The following CHRM2 variants were observed in gnomAD, a reference collection of about 807,000 sequenced individuals.
CHRM2 encodes cholinergic receptor muscarinic 2.
Under a neutral mutation model 25.0 loss-of-function variants are expected in CHRM2, and 8 were observed. The observed-to-expected ratio is 0.32, with a 90% CI of 0.19 to 0.58. CHRM2 has a LOEUF of 0.58. Among genes scored for constraint, CHRM2 ranks in the 20% least tolerant of loss-of-function variants. CHRM2 has a pLI of 0.88. For synonymous variants in CHRM2, 202 were observed against 205.7 expected, an observed-to-expected ratio of 0.98 and a Z score of 0.15; for missense variants, 440 against 567.1, an observed-to-expected ratio of 0.78 and a Z score of 2.28.
intron 2 of CHRM2, chr7:136,902,362 T>C (rs1340772965): frequency 1.3e-5 from 2 of 152,020 alleles, no homozygotes; most frequent in African/African-American, 4.8e-5. Flanking sequence ...AGAGTTTGAA[T>C]TTAGGTGGCA....
intron 2 of CHRM2, among the ~76,000 whole-genome samples, chr7:136,923,145 T>C (rs1798543549): frequency 1.3e-5 from 2 of 152,142 alleles, no homozygotes; most frequent in South Asian, 4.1e-4. Flanking sequence ...TTATGGAAGA[T>C]ATTTTCTTTA....
intron 2 of CHRM2, among the ~76,000 whole-genome samples, chr7:136,875,734 G>C (rs1228493687): frequency 1.3e-5 from 2 of 152,132 alleles, no homozygotes; most frequent in Non-Finnish European, 2.9e-5. Flanking sequence ...AGCTTCCATA[G>C]CTCATAGAGC....
At chr7:136,970,441 T>A (rs1801686886) in intron 2 of CHRM2, among the ~76,000 whole-genome samples, 1 of 152,228 alleles carries the variant, frequency 6.6e-6, no homozygotes, top group Admixed American at 6.5e-5. Flanking sequence ...ATTTCTTCTA[T>A]TATTCTTTGA....
At chr7:137,007,981 A>G (rs1024188010) in intron 3 of CHRM2, among the ~76,000 whole-genome samples, 3 of 152,232 alleles carry the variant, frequency 2.0e-5, no homozygotes, top group African/African-American at 7.2e-5. Context: ...ACATTCACTA[A>G]TGCAGTTTAT....
intron 2 of CHRM2, among the ~76,000 whole-genome samples, chr7:136,935,410 G>A (rs912578020): frequency 2.0e-5 from 3 of 152,134 alleles, no homozygotes; most frequent in African/African-American, 4.8e-5. Context: ...TTAGACGATC[G>A]TTTGAAATCA....
intron 2 of CHRM2, among the ~76,000 whole-genome samples, chr7:136,895,600 T>C (rs886553450): frequency 6.6e-6 from 1 of 152,216 alleles, no homozygotes; most frequent in Non-Finnish European, 1.5e-5. Flanking sequence ...TAGCAACCAA[T>C]TGGGATTTCA....
At chr7:136,872,075 T>C (rs1434239766) in intron 2 of CHRM2, 1 of 152,204 alleles carries the variant, frequency 6.6e-6, no homozygotes, top group Non-Finnish European at 1.5e-5. Flanking sequence ...GTTTACCATT[T>C]TAAAATAAAG....
chr7:136,994,953 G>A (rs1173583910), intron 3 of CHRM2, among the ~76,000 whole-genome samples: 2 of 151,986 alleles, frequency 1.3e-5, no homozygotes, highest in Non-Finnish European at 2.9e-5. Context: ...TTATTACAAC[G>A]ATCCTTATTC....
chr7:136,884,905 C>A (rs1195061192), intron 2 of CHRM2, among the ~76,000 whole-genome samples: 1 of 152,148 alleles, frequency 6.6e-6, no homozygotes, highest in African/African-American at 2.4e-5. Flanking sequence ...TCAAAACTTA[C>A]AATGAAAACA....
At chr7:136,882,791 C>T (rs1004513337) in intron 2 of CHRM2, among the ~76,000 whole-genome samples, 5 of 152,060 alleles carry the variant, frequency 3.3e-5, no homozygotes. Context: ...TAAGCTGAAT[C>T]TAATTAATCT....
intron 3 of CHRM2, among the ~76,000 whole-genome samples, chr7:136,994,618 C>G (rs1325851835): frequency 6.8e-6 from 1 of 147,168 alleles, no homozygotes; most frequent in Admixed American, 6.9e-5. Context: ...GCAACCTCCT[C>G]CTCGTGGGTC....
chr7:136,900,473 G>A (rs2130614017), intron 2 of CHRM2, among the ~76,000 whole-genome samples: 1 of 152,148 alleles, frequency 6.6e-6, no homozygotes, highest in South Asian at 2.1e-4. Flanking sequence ...TGATGGATTT[G>A]ATCACAGGCT....
chr7:136,870,329 G>A (rs1441489101), intron 2 of CHRM2: 1 of 152,548 alleles, frequency 6.6e-6, no homozygotes, highest in African/African-American at 2.4e-5. Flanking sequence ...ACACGGACAG[G>A]TGCGGTCCAT....
At position 136,868,961 on chromosome 7, in the gene CHRM2, A is replaced by AT. The variant is rs561018093; in HGVS notation, c.-310dup. The stretch of plus-strand genomic sequence containing the variant: ...GCCGAGGCATCCAGGTCTCCATTCT[A>AT]TTTTGGTCTCCAGGCTCTTCGTGAA... On this transcript the variant is annotated 5_prime_UTR_variant, in exon 1 of 4. An upstream open reading frame in the 5' UTR gains an earlier in-frame stop. Coordinates refer to ENST00000680005, the MANE Select transcript of CHRM2 (RefSeq NM_001006630.2). 1,555 of 152,372 alleles carry AT rather than the reference A, an allele frequency of 0.01. 10 individuals carry two copies. The highest frequency in any genetic ancestry group is 0.016 in the Non-Finnish European group (1,083 of 68,102). 9.4% of individuals were successfully genotyped at this position (152,372 alleles called of 1,614,324 possible).
chr7:136,986,775 A>G (rs1001646750), intron 2 of CHRM2, among the ~76,000 whole-genome samples: 1 of 152,182 alleles, frequency 6.6e-6, no homozygotes, highest in Non-Finnish European at 1.5e-5. Context: ...CCTGCAAAAC[A>G]TATAAGTTAC....
At chr7:136,953,458 T>A (rs2130863289) in intron 2 of CHRM2, among the ~76,000 whole-genome samples, 1 of 152,266 alleles carries the variant, frequency 6.6e-6, no homozygotes, top group East Asian at 1.9e-4. Context: ...ATATCTTAAG[T>A]CATATGAGTA....
At chr7:136,893,743 T>G (rs1435250665) in intron 2 of CHRM2, among the ~76,000 whole-genome samples, 1 of 152,188 alleles carries the variant, frequency 6.6e-6, no homozygotes, top group Non-Finnish European at 1.5e-5. Context: ...CTAAGTGTTA[T>G]TATGCTGATA....
rs1231009282 is a variant in CHRM2 at position 136,891,327 on chromosome 7, G to A, written c.-125+21909G>A. Among the ~76,000 whole-genome samples, 5 of 152,160 alleles carry A rather than the reference G, an allele frequency of 3.3e-5. 1 individual carries two copies. The highest frequency in any genetic ancestry group is 5.9e-5 in the Non-Finnish European group (4 of 68,038). On this transcript the variant is annotated intron_variant, in intron 2 of 3. Coordinates refer to ENST00000680005, the MANE Select transcript of CHRM2 (RefSeq NM_001006630.2). ...TCCTGGATACTGTGACAATTTCTCA[G>A]ACTTTCCTTGTTTTCAGTGACTTTG...
chr7:136,980,945 T>C (rs1802446626), intron 2 of CHRM2, among the ~76,000 whole-genome samples: 1 of 152,230 alleles, frequency 6.6e-6, no homozygotes, highest in Non-Finnish European at 1.5e-5. Context: ...ATCAGGATGA[T>C]GCTGGCCTCA....
Sources: gnomAD v4.1 joint callset for allele counts (sites outside exome capture counted in the v4.1 genomes callset) on GRCh38, gnomAD v4.1.1 for gene constraint, MANE v1.5 for transcripts, NCBI Gene and HGNC (gene_info 2026-07-23, HGNC 2026-07-21) for gene names.